Variants in SOX5 observed in about 807,000 individuals in gnomAD.
SOX5 encodes the protein transcription factor SOX-5.
A neutral mutation model predicts 92.0 loss-of-function variants in SOX5; 9 were observed. The ratio of observed to expected loss-of-function variants is 0.10; its 90% confidence interval spans 0.06 to 0.17. The LOEUF is 0.17. Ranked by LOEUF, SOX5 falls within the 10% of genes least tolerant of loss-of-function variation. The pLI is 1.00. For synonymous variants in SOX5, 344 were observed against 336.3 expected, an observed-to-expected ratio of 1.02 and a Z score of -0.25; for missense variants, 642 against 944.5, an observed-to-expected ratio of 0.68 and a Z score of 4.20.
In SOX5 at chr12:24,075,962, A is replaced by G. The variant is rs1274162658; in HGVS notation, c.-2+137381T>C. Among the ~76,000 whole-genome samples, 3 of 152,206 alleles carry G rather than the reference A, an allele frequency of 2.0e-5. No individual in the cohort carries two copies. In the East Asian group the frequency reaches 5.8e-4, roughly 29 times the overall value. On this transcript the variant is annotated intron_variant, in intron 4 of 4. Transcript: ENST00000446891. Reference sequence around the variant, plus strand: ...GGAGAGGAAGAAATGGAGATACTCAACACTTAGATATGGAGTAAAGGAGGA... The same window carrying G: ...GGAGAGGAAGAAATGGAGATACTCAGCACTTAGATATGGAGTAAAGGAGGA...
rs183364210 is a variant in SOX5, at chr12:24,488,655, T to G, written c.-251+73674A>C. The stretch of plus-strand genomic sequence containing the variant: ...TCTGACTAGAAATTTTCACATTTAA[T>G]TTTGAAGATGTTCAATATCTAATCT... On this transcript the variant is annotated intron_variant, in intron 1 of 4. Transcript: ENST00000446891. 2.0e-3 allele frequency among the ~76,000 whole-genome samples: 312 copies of G among 152,342 alleles called. 1 individual carries two copies. The highest frequency in any genetic ancestry group is 7.1e-3 in the African/African-American group (294 of 41,572).
chr12:24,096,826 T>C (rs970921690), intron 4 of SOX5, among the ~76,000 whole-genome samples: 10 of 152,290 alleles, frequency 6.6e-5, no homozygotes, highest in Admixed American at 2.0e-4. Context: ...TGATTAGTGC[T>C]GTTATAAATA....
Position 23,646,393 on chromosome 12 carries a change from C to G in SOX5, c.932-5496G>C, listed in dbSNP as rs369522511. Among the ~76,000 whole-genome samples the G allele has an allele frequency of 5.9e-5, 9 of 152,300 alleles. No individual in the cohort carries two copies. The East Asian group carries it at 1.4e-3, about 23-fold the overall frequency. ...TATTGACCAGGCTGGACTTGAACTC[C>G]TGGGCTCAAGCAATCCACCTGCCTT... On this transcript the variant is annotated intron_variant, in intron 7 of 14. Coordinates refer to ENST00000451604, the MANE Select transcript of SOX5 (RefSeq NM_006940.6).
At chr12:24,164,829 T>C (rs112426366) in intron 4 of SOX5, among the ~76,000 whole-genome samples, 2,047 of 152,210 alleles carry the variant, frequency 0.013, 54 homozygotes, top group African/African-American at 0.047. Context: ...GTTTAAATGC[T>C]TTCAAAAAAA....
At chr12:23,848,235 A>C (rs2096595998) in intron 2 of SOX5, among the ~76,000 whole-genome samples, 1 of 152,186 alleles carries the variant, frequency 6.6e-6, no homozygotes, top group Non-Finnish European at 1.5e-5. Flanking sequence ...GCCATAATTG[A>C]AAATTACAAT....
At chr12:24,177,892 AGT>A (rs1362847069) in intron 4 of SOX5, among the ~76,000 whole-genome samples, 2 of 152,198 alleles carry the variant, frequency 1.3e-5, no homozygotes. Context: ...ACTTTGTTTT[AGT>A]GTGTGTGTTT....
At chr12:24,382,938 G>A (rs1407275179) in intron 1 of SOX5, among the ~76,000 whole-genome samples, 3 of 152,134 alleles carry the variant, frequency 2.0e-5, no homozygotes, top group Non-Finnish European at 4.4e-5. Flanking sequence ...GCCAAGCAGA[G>A]CTATCAGGTA....
chr12:23,711,294 C>G (rs2092027529), intron 6 of SOX5, among the ~76,000 whole-genome samples: 2 of 152,188 alleles, frequency 1.3e-5, no homozygotes, highest in African/African-American at 4.8e-5. Context: ...GTTGGATAGT[C>G]TTCACTTCTT....
chr12:24,201,808 G>A (rs375098147), intron 4 of SOX5, among the ~76,000 whole-genome samples: 3 of 152,148 alleles, frequency 2.0e-5, no homozygotes, highest in Admixed American at 6.5e-5. Context: ...TGGCTGCACC[G>A]ATACTGTGCC....
intron 4 of SOX5, among the ~76,000 whole-genome samples, chr12:24,154,749 G>A (rs1262799349): frequency 6.6e-6 from 1 of 152,016 alleles, no homozygotes; most frequent in East Asian, 1.9e-4. Flanking sequence ...AAGTGGTGAA[G>A]TAAAGAAGCA....
chr12:23,657,406 T>C (rs2082445593), intron 7 of SOX5, among the ~76,000 whole-genome samples: 1 of 152,182 alleles, frequency 6.6e-6, no homozygotes, highest in African/African-American at 2.4e-5. Flanking sequence ...TTTAAGTCCT[T>C]ACGGAAAATA....
chr12:23,542,074 C>A (rs886506290), intron 13 of SOX5, among the ~76,000 whole-genome samples: 1 of 152,218 alleles, frequency 6.6e-6, no homozygotes, highest in Non-Finnish European at 1.5e-5. Flanking sequence ...CACACCACTG[C>A]ACTCCAGCCT....
intron 4 of SOX5, among the ~76,000 whole-genome samples, chr12:24,009,016 G>A (rs1234047701): frequency 2.6e-5 from 4 of 152,176 alleles, no homozygotes; most frequent in African/African-American, 9.6e-5. Flanking sequence ...GCCATGCTTT[G>A]TAAGAGCTTA....
Position 24,185,876 on chromosome 12 carries a change from T to C in SOX5, c.-2+27467A>G, listed in dbSNP as rs140253461. Among the ~76,000 whole-genome samples the C allele has an allele frequency of 9.9e-5, 15 of 152,214 alleles. No individual in the cohort carries two copies. In the East Asian group the frequency reaches 2.1e-3, roughly 22 times the overall value. On this transcript the variant is annotated intron_variant, in intron 4 of 4. Transcript: ENST00000446891. ...CATGGAAGGTACTTAATAACATTCGTTGAATGAATGAATGCTGAAGCTGAC... is the reference window on the plus strand; with the variant it reads ...CATGGAAGGTACTTAATAACATTCGCTGAATGAATGAATGCTGAAGCTGAC...
intron 9 of SOX5, among the ~76,000 whole-genome samples, chr12:23,577,196 T>A (rs1199607238): frequency 0.12 from 14,302 of 115,334 alleles, 1,425 homozygotes; most frequent in East Asian, 0.21. Flanking sequence ...TATATATTTT[T>A]TTTTTTTTTT....
chr12:24,377,279 CAG>C (rs1340713799), intron 1 of SOX5, among the ~76,000 whole-genome samples: 3 of 152,154 alleles, frequency 2.0e-5, no homozygotes, highest in African/African-American at 7.2e-5. Context: ...AAAACTGGCA[CAG>C]AGAGATTAAG....
chr12:23,824,672 T>C (rs1000249371), intron 3 of SOX5, among the ~76,000 whole-genome samples: 10 of 152,186 alleles, frequency 6.6e-5, no homozygotes, highest in Non-Finnish European at 1.2e-4. Flanking sequence ...TTAAGTCTGC[T>C]GAAGATGCGT....
chr12:24,145,469 G>T (rs1565527712), intron 4 of SOX5, among the ~76,000 whole-genome samples: 1 of 152,054 alleles, frequency 6.6e-6, no homozygotes. Flanking sequence ...AGGGTTAAAA[G>T]AAAATGGATT....
intron 6 of SOX5, among the ~76,000 whole-genome samples, chr12:23,706,418 TG>T (rs1479520490): frequency 1.1e-4 from 17 of 152,238 alleles, no homozygotes; most frequent in African/African-American, 3.4e-4. Context: ...CTTACAGGAT[TG>T]GGTAGCATAA....
Sources: gnomAD v4.1 joint callset for allele counts (sites outside exome capture counted in the v4.1 genomes callset) on GRCh38, gnomAD v4.1.1 for gene constraint, MANE v1.5 for transcripts, NCBI Gene and HGNC (gene_info 2026-07-23, HGNC 2026-07-21) for gene names.